The following PSIP1 variants were observed in gnomAD, a reference collection of about 807,000 sequenced individuals.
PSIP1 encodes PC4 and SFRS1-interacting protein.
In PSIP1, 19 loss-of-function variants were observed where a neutral mutation model predicts 74.7. That is an observed-to-expected ratio of 0.25 (90% CI 0.18 to 0.37). The LOEUF is 0.37. PSIP1 is among the 10% of genes least tolerant of loss of function. The pLI is 1.00. For synonymous variants in PSIP1, 222 were observed against 195.3 expected, an observed-to-expected ratio of 1.14 and a Z score of -1.14; for missense variants, 601 against 614.3, an observed-to-expected ratio of 0.98 and a Z score of 0.23.
rs149706980 is a variant in PSIP1, at chr9:15,510,179, C to A, written c.10G>T (p.Asp4Tyr). The change falls in exon 2 of 16, where the codon GAT becomes TAT. Residue 4 changes from aspartate to tyrosine, a missense_variant. Asp to Tyr is a radical substitution (Grantham distance 160). This residue lies in a region of PSIP1 where 63 missense variants were observed against 106.7 expected (regional missense o/e 0.59). Transcript: ENST00000380733. ...AAGATGAGGTCTCCAGGTTTGAAATCGCGAGTCATGTTTCGGGGGCGAGAC... is the reference window on the plus strand; with the variant it reads ...AAGATGAGGTCTCCAGGTTTGAAATAGCGAGTCATGTTTCGGGGGCGAGAC... Reference protein sequence around the residue: MTRDFKPGDLIFAK... With the variant: MTRYFKPGDLIFAK... 75 of 1,604,102 alleles carry A rather than the reference C, an allele frequency of 4.7e-5. No homozygotes were observed. The highest frequency in any genetic ancestry group is 6.1e-5 in the Non-Finnish European group (72 of 1,175,666).
intron 6 of PSIP1, among the ~76,000 whole-genome samples, chr9:15,481,679 G>A (rs1057160896): frequency 3.3e-5 from 5 of 150,664 alleles, no homozygotes; most frequent in Admixed American, 1.3e-4. Context: ...GCAAGACTCC[G>A]TCTCAAAAAA....
At chr9:15,470,111 A>G (rs1409788311) in intron 10 of PSIP1, 118 bp from the exon 11 acceptor site, 2 of 750,480 alleles carry the variant, frequency 2.7e-6, no homozygotes, top group African/African-American at 3.5e-5. Context: ...CTAGACTGCA[A>G]AGGAACTGAC....
intron 3 of PSIP1, among the ~76,000 whole-genome samples, chr9:15,492,748 G>A (rs569318099): frequency 2.0e-5 from 3 of 152,308 alleles, no homozygotes; most frequent in East Asian, 3.9e-4. Context: ...CTGAAATCTA[G>A]GCAGAGTTTC....
intron 3 of PSIP1, among the ~76,000 whole-genome samples, chr9:15,502,784 C>G (rs551733082): frequency 5.2e-4 from 79 of 152,288 alleles, no homozygotes; most frequent in African/African-American, 1.7e-3. Flanking sequence ...TTCCCACTTA[C>G]TAAAAATCTG....
At chr9:15,469,391 C>A in intron 11 of PSIP1, 55 bp from the exon 12 acceptor site, 3 of 1,093,920 alleles carry the variant, frequency 2.7e-6, no homozygotes, top group Non-Finnish European at 4.0e-6. Context: ...ACCAGTATTT[C>A]TATATACAGG....
At chr9:15,471,692 C>T (rs772513381) in intron 10 of PSIP1, 2 of 962,114 alleles carry the variant, frequency 2.1e-6, no homozygotes, top group African/African-American at 1.8e-5. Flanking sequence ...CTTGTATATC[C>T]TCCAAACTAA....
At position 15,486,013 on chromosome 9, in the gene PSIP1, T is replaced by C; in HGVS notation, c.449A>G (p.Lys150Arg). The change falls in exon 6 of 16, where the codon AAG (lysine) becomes AGG (arginine). Residue 150 changes from lysine (K) to arginine (R), a missense_variant. Coordinates refer to ENST00000380733, the MANE Select transcript of PSIP1 (RefSeq NM_033222.5). ...TTPKAARRGRKRKAEKQVETE... is the reference protein window; with the variant it reads ...TTPKAARRGRRRKAEKQVETE... ...GTAAGTCAGTGAAATTACCTTTCTC[T>C]TTCTCCCCCTTCTGGCAGCTTTTGG... The C allele has an allele frequency of 6.2e-7, 1 of 1,607,466 alleles. No homozygotes were observed. The highest frequency in any genetic ancestry group is 8.5e-7 in the Non-Finnish European group (1 of 1,174,710).
At position 15,471,053 on chromosome 9, in the gene PSIP1, T is replaced by C. The variant is rs1219853524; in HGVS notation, c.978-1060A>G. On this transcript the variant is annotated intron_variant, in intron 10 of 15. Transcript: ENST00000380733. ...TGCCATTAATAATGAAGTCCTCAAT[T>C]TAGAATCTGGAACATTCTTCCATCA... is the stretch of plus-strand genomic sequence containing the variant. 8 of 1,465,154 alleles carry C rather than the reference T, an allele frequency of 5.5e-6. No homozygotes were observed. In the South Asian group the frequency reaches 1.0e-4, roughly 18 times the overall value. The allele number at this position is 1,465,154 out of a possible 1,614,324, so 90.8% of individuals were successfully genotyped here.
At chr9:15,470,691 C>G (rs2035785686) in intron 10 of PSIP1, 3 of 932,346 alleles carry the variant, frequency 3.2e-6, no homozygotes, top group Admixed American at 1.2e-4. Flanking sequence ...TCATTCTTAA[C>G]AAGTCTACTA....
At chr9:15,488,787 C>G (rs1177725094) in intron 4 of PSIP1, among the ~76,000 whole-genome samples, 2 of 151,942 alleles carry the variant, frequency 1.3e-5, no homozygotes, top group South Asian at 4.2e-4. Flanking sequence ...TCTGGGGGGC[C>G]GAGGCGGGCG....
chr9:15,510,579 G>T (rs1489868017), intron 1 of PSIP1, among the ~76,000 whole-genome samples: 1 of 152,058 alleles, frequency 6.6e-6, no homozygotes, highest in African/African-American at 2.4e-5. Context: ...CTTTCTCCGG[G>T]CTTTTTCCAC....
At chr9:15,487,756 T>A (rs1456108832) in intron 4 of PSIP1, among the ~76,000 whole-genome samples, 1 of 152,220 alleles carries the variant, frequency 6.6e-6, no homozygotes, top group Admixed American at 6.5e-5. Context: ...GATTAGCTAT[T>A]CTTCTCACAC....
Position 15,486,942 on chromosome 9 carries a change from T to C in PSIP1, c.289-11A>G, listed in dbSNP as rs761934343. The C allele has an allele frequency of 1.3e-6, 2 of 1,534,362 alleles. No individual in the cohort carries two copies. The highest frequency in any genetic ancestry group is 1.8e-6 in the Non-Finnish European group (2 of 1,116,970). On this transcript the variant is annotated splice_polypyrimidine_tract_variant and intron_variant, in intron 4 of 15. Transcript: ENST00000380733. ...TTGTTTAGTTGCTGCCTGTGAGCAA[T>C]CAACTCTATTAATTTCAAAAAATAA...
intron 8 of PSIP1, among the ~76,000 whole-genome samples, chr9:15,475,776 A>T (rs1587471763): frequency 6.6e-6 from 1 of 152,180 alleles, no homozygotes; most frequent in Non-Finnish European, 1.5e-5. Flanking sequence ...GCTACCAATG[A>T]GTCTTTTCCC....
rs2035762924 is a variant in PSIP1 at position 15,470,070 on chromosome 9, A to G, written c.978-77T>C. ...TGCCCACAATCCCTATGTAAAAGCTAAAAATGTTTTCCTTAAAATAAGTCA... is the reference window on the plus strand; with the variant it reads ...TGCCCACAATCCCTATGTAAAAGCTGAAAATGTTTTCCTTAAAATAAGTCA... On this transcript the variant is annotated intron_variant, in intron 10 of 15. Transcript: ENST00000380733. 7.5e-6 allele frequency: 9 copies of G among 1,204,538 alleles called. 1 individual carries two copies. The South Asian group carries it at 1.1e-4, about 15-fold the overall frequency. 74.6% of individuals were successfully genotyped at this position (1,204,538 alleles called of 1,614,324 possible).
chr9:15,506,054 A>C (rs2037572171), intron 3 of PSIP1: 1 of 151,844 alleles, frequency 6.6e-6, no homozygotes, highest in Non-Finnish European at 1.5e-5. Flanking sequence ...ATTCAGCTGC[A>C]ATTTTTGAAA....
chr9:15,502,490 A>AT (rs1354287174), intron 3 of PSIP1, among the ~76,000 whole-genome samples: 1 of 152,148 alleles, frequency 6.6e-6, no homozygotes, highest in East Asian at 1.9e-4. Context: ...TACAAGCCAG[A>AT]TTTGAACTCC....
chr9:15,472,200 A>G (rs2035866862), intron 10 of PSIP1: 1 of 987,482 alleles, frequency 1.0e-6, no homozygotes, highest in African/African-American at 1.7e-5. Flanking sequence ...CTGGGTTTCC[A>G]AATGTGCTTT....
At chr9:15,472,425 G>A (rs75758667) in intron 10 of PSIP1, 1 of 1,361,010 alleles carries the variant, frequency 7.3e-7, no homozygotes, top group African/African-American at 1.5e-5. Flanking sequence ...AATTCACAGA[G>A]TGACTGCCTC....
Sources: allele counts gnomAD v4.1 joint callset (sites outside exome capture counted in the v4.1 genomes callset), GRCh38; gene constraint gnomAD v4.1.1; regional missense constraint gnomAD v4.1.1; transcripts MANE v1.5; gene names NCBI Gene and HGNC (gene_info 2026-07-23, HGNC 2026-07-21).